Variants in LHFPL2 observed in about 807,000 individuals in gnomAD.
LHFPL2 encodes LHFPL tetraspan subfamily member 2.
Under a neutral mutation model 17.5 loss-of-function variants are expected in LHFPL2, and 7 were observed. The observed-to-expected ratio is 0.40, with a 90% CI of 0.23 to 0.75. The LOEUF (loss-of-function observed/expected upper bound fraction) is 0.75, where lower values mean the gene tolerates loss of function less well. LHFPL2 is among the 30% of genes least tolerant of loss of function. The pLI, the probability that LHFPL2 is intolerant of heterozygous loss-of-function variation, is 0.37. For synonymous variants in LHFPL2, 134 were observed against 116.2 expected (o/e 1.15, Z -0.99); for missense variants, 241 against 294.8 (o/e 0.82, Z 1.34).
intron 3 of LHFPL2, among the ~76,000 whole-genome samples, chr5:78,530,581 G>A (rs1755751926): frequency 6.6e-6 from 1 of 152,212 alleles, no homozygotes; most frequent in African/African-American, 2.4e-5. Flanking sequence ...AAGGCCTTGT[G>A]AGTCAGTGGT....
chr5:78,589,630 T>G (rs1743556131), intron 2 of LHFPL2, among the ~76,000 whole-genome samples: 5 of 152,162 alleles, frequency 3.3e-5, no homozygotes, highest in Admixed American at 1.3e-4. Context: ...TGCACCCGCA[T>G]GAATAGGTGA....
At chr5:78,555,637 G>C (rs932137776) in intron 3 of LHFPL2, among the ~76,000 whole-genome samples, 4 of 152,200 alleles carry the variant, frequency 2.6e-5, no homozygotes, top group Non-Finnish European at 5.9e-5. Context: ...GTTTCACTTG[G>C]GGGCATGCTA....
intron 3 of LHFPL2, 22 bp from the exon 4 acceptor site, chr5:78,510,420 T>G: frequency 2.0e-6 from 1 of 494,014 alleles, no homozygotes. Context: ...GGAGGGCGGT[T>G]AGCAGCGCCG....
At chr5:78,643,903 A>G (rs933895454) in intron 1 of LHFPL2, among the ~76,000 whole-genome samples, 1 of 152,144 alleles carries the variant, frequency 6.6e-6, no homozygotes, top group Non-Finnish European at 1.5e-5. Context: ...TCTACTAAAA[A>G]TACAAAAAAT....
rs142918117 is a variant in LHFPL2, at chr5:78,616,785, C to A, written c.-245+15479G>T. On this transcript the variant is annotated intron_variant, in intron 2 of 4. Coordinates refer to ENST00000380345, the MANE Select transcript of LHFPL2 (RefSeq NM_005779.3). ...TGACCCCAGCATTAACAGTGACACG[C>A]CTGATGTCCACAGCCCTGACAACCT... 1.7e-3 allele frequency among the ~76,000 whole-genome samples: 260 copies of A among 152,298 alleles called. 1 individual carries two copies. The highest frequency in any genetic ancestry group is 2.7e-3 in the Non-Finnish European group (182 of 68,032).
chr5:78,584,886 GC>G, intron 2 of LHFPL2, among the ~76,000 whole-genome samples: 1 of 151,872 alleles, frequency 6.6e-6, no homozygotes, highest in Admixed American at 6.6e-5. Context: ...CCCCAGCCTC[GC>G]TGCCGCCTTG....
intron 3 of LHFPL2, among the ~76,000 whole-genome samples, chr5:78,538,221 A>G (rs1756006653): frequency 6.6e-6 from 1 of 152,206 alleles, no homozygotes; most frequent in East Asian, 1.9e-4. Flanking sequence ...AGTGAGACAC[A>G]CTTGCTGCTC....
At chr5:78,489,324 C>T (rs1754360747) in intron 4 of LHFPL2, among the ~76,000 whole-genome samples, 171 bp from the exon 5 acceptor site, 1 of 152,192 alleles carries the variant, frequency 6.6e-6, no homozygotes, top group South Asian at 2.1e-4. Context: ...AGAAGTATCA[C>T]ATTATTAGAA....
intron 2 of LHFPL2, among the ~76,000 whole-genome samples, chr5:78,613,868 AG>A (rs978331739): frequency 6.6e-5 from 10 of 152,174 alleles, no homozygotes; most frequent in African/African-American, 2.2e-4. Flanking sequence ...AAAAGGGAGA[AG>A]GGGGTTAATA....
At chr5:78,628,478 C>G (rs569308730) in intron 2 of LHFPL2, among the ~76,000 whole-genome samples, 164 of 152,332 alleles carry the variant, frequency 1.1e-3, no homozygotes, top group Middle Eastern at 3.4e-3. Flanking sequence ...AGAGACATCC[C>G]CTTTGAACAA....
intron 2 of LHFPL2, among the ~76,000 whole-genome samples, chr5:78,587,938 G>C (rs756859597): frequency 3.9e-5 from 6 of 152,192 alleles, no homozygotes; most frequent in African/African-American, 1.4e-4. Flanking sequence ...GGCAAGTGAG[G>C]TCCCAGGGCC....
intron 3 of LHFPL2, among the ~76,000 whole-genome samples, chr5:78,550,157 G>A (rs1257781215): frequency 2.6e-5 from 4 of 152,138 alleles, no homozygotes; most frequent in South Asian, 2.1e-4. Flanking sequence ...AGCAAACCAC[G>A]CTACTTCTTA....
intron 3 of LHFPL2, among the ~76,000 whole-genome samples, chr5:78,554,878 T>A (rs1335998829): frequency 6.6e-6 from 1 of 152,174 alleles, no homozygotes; most frequent in East Asian, 1.9e-4. Flanking sequence ...CCCAGCACCA[T>A]ATTTCCAATA....
At chr5:78,550,841 G>A (rs1756419664) in intron 3 of LHFPL2, among the ~76,000 whole-genome samples, 1 of 152,192 alleles carries the variant, frequency 6.6e-6, no homozygotes, top group African/African-American at 2.4e-5. Context: ...AAAGTGCTGG[G>A]ATTACAGGCG....
At position 78,489,222 on chromosome 5, in the gene LHFPL2, T is replaced by C. The variant is rs1159092631; in HGVS notation, c.431-69A>G. 11 of 1,567,262 alleles carry C rather than the reference T, an allele frequency of 7.0e-6. No individual in the cohort carries two copies. The South Asian group carries it at 8.0e-5, about 11-fold the overall frequency. The stretch of plus-strand genomic sequence containing the variant: ...CTACAACTGTCCAGATCTGTTGTAA[T>C]TGTTACTTGATTTGCTTGCTTTGGG... On this transcript the variant is annotated intron_variant, in intron 4 of 4. Coordinates refer to ENST00000380345, the MANE Select transcript of LHFPL2 (RefSeq NM_005779.3).
rs372836494 is a variant in LHFPL2, at chr5:78,606,797, C to T, written c.-245+25467G>A. ...TCAAGCAATTCTCCTGCCTCAGCCT[C>T]ACAAGTAGCTGGGATTACATGTGCC... is the stretch of plus-strand genomic sequence containing the variant. On this transcript the variant is annotated intron_variant, in intron 2 of 4. Transcript: ENST00000380345. Among the ~76,000 whole-genome samples the T allele has an allele frequency of 3.3e-5, 5 of 152,296 alleles. No individual in the cohort carries two copies. The East Asian group carries it at 7.7e-4, about 24-fold the overall frequency.
intron 3 of LHFPL2, among the ~76,000 whole-genome samples, chr5:78,564,442 C>CA (rs1756808243): frequency 6.6e-6 from 1 of 152,086 alleles, no homozygotes; most frequent in Non-Finnish European, 1.5e-5. Context: ...GCTATCTCTA[C>CA]TTTCTCTGAG....
intron 2 of LHFPL2, among the ~76,000 whole-genome samples, chr5:78,620,688 T>C (rs1226052710): frequency 6.6e-6 from 1 of 152,140 alleles, no homozygotes; most frequent in Non-Finnish European, 1.5e-5. Flanking sequence ...AGGCATCCAC[T>C]ATAGGAAGCA....
chr5:78,626,544 C>T (rs1161698662), intron 2 of LHFPL2: 2 of 152,312 alleles, frequency 1.3e-5, no homozygotes, highest in African/African-American at 4.8e-5. Context: ...TTCAGGAGAA[C>T]CCCTGGCTGG....
Sources: allele counts gnomAD v4.1 joint callset (sites outside exome capture counted in the v4.1 genomes callset), GRCh38; gene constraint gnomAD v4.1.1; transcripts MANE v1.5; gene names NCBI Gene and HGNC (gene_info 2026-07-23, HGNC 2026-07-21).